Variants in PTPRD observed in about 807,000 individuals in gnomAD.
PTPRD encodes the protein protein tyrosine phosphatase receptor type D, also known as receptor-type tyrosine-protein phosphatase delta.
Under a neutral mutation model 214.5 loss-of-function variants are expected in PTPRD, and 34 were observed. The observed-to-expected ratio is 0.16, with a 90% CI of 0.12 to 0.21. The LOEUF (loss-of-function observed/expected upper bound fraction) is 0.21. Ranked by LOEUF, PTPRD falls within the 10% of genes least tolerant of loss-of-function variation. The pLI, the probability that PTPRD is intolerant of heterozygous loss-of-function variation, is 1.00. For synonymous variants in PTPRD, 1,128 were observed against 845.7 expected (o/e 1.33, Z -5.79); for missense variants, 2,545 against 2,398.7 (o/e 1.06, Z -1.27).
chr9:10,567,623 A>G (rs1447900449), intron 2 of PTPRD, among the ~76,000 whole-genome samples: 2 of 152,092 alleles, frequency 1.3e-5, no homozygotes, highest in African/African-American at 4.8e-5. Flanking sequence ...TGATAGTCAA[A>G]TGGAATAAAC....
chr9:10,135,514 A>C (rs138505323), intron 3 of PTPRD, among the ~76,000 whole-genome samples: 3 of 152,254 alleles, frequency 2.0e-5, no homozygotes, highest in Non-Finnish European at 4.4e-5. Flanking sequence ...AAACTCCTTC[A>C]GGCTAACAGT....
chr9:8,516,833 T>G (rs1180849555), intron 21 of PTPRD, among the ~76,000 whole-genome samples: 1 of 132,192 alleles, frequency 7.6e-6, no homozygotes, highest in African/African-American at 2.9e-5. Flanking sequence ...TGAGATGGAG[T>G]CTTGCTGTCA....
At position 10,217,910 on chromosome 9, in the gene PTPRD, C is replaced by T. The variant is rs146653496; in HGVS notation, c.-545+123053G>A. On this transcript the variant is annotated intron_variant, in intron 3 of 45. Coordinates refer to ENST00000381196, the MANE Select transcript of PTPRD (RefSeq NM_002839.4). ...CCTTAGAATGTTATTTAGCAGGCAA[C>T]GGGTTTGAAAACCTGACTCTTCCCA... Among the ~76,000 whole-genome samples, 278 of 151,906 alleles carry T rather than the reference C, an allele frequency of 1.8e-3. 1 individual carries two copies. Among genetic ancestry groups the T allele is most frequent in the African/African-American group, 6.4e-3 (264 of 41,462 alleles).
At chr9:9,188,267 C>G (rs191947879) in intron 9 of PTPRD, among the ~76,000 whole-genome samples, 1 of 152,152 alleles carries the variant, frequency 6.6e-6, no homozygotes, top group Non-Finnish European at 1.5e-5. Context: ...ATTTTTGTAA[C>G]TATTCTATTG....
chr9:8,608,132 T>TA (rs5896250), intron 14 of PTPRD, among the ~76,000 whole-genome samples: 29,383 of 151,622 alleles, frequency 0.19, 3,024 homozygotes, highest in South Asian at 0.31. Flanking sequence ...TTTTTTTTTT[T>TA]AATCTAGACT....
intron 8 of PTPRD, among the ~76,000 whole-genome samples, chr9:9,465,893 C>T (rs922299252): frequency 1.3e-5 from 2 of 151,768 alleles, no homozygotes; most frequent in African/African-American, 2.4e-5. Context: ...TCCTAATACA[C>T]CCAATCGGCC....
chr9:8,862,296 A>T (rs2098121102), intron 11 of PTPRD: 1 of 152,270 alleles, frequency 6.6e-6, no homozygotes, highest in Non-Finnish European at 1.5e-5. Context: ...GTGGAGGTTG[A>T]AGTGAGCCGA....
chr9:9,887,437 C>T (rs1299665856), intron 5 of PTPRD, among the ~76,000 whole-genome samples: 1 of 152,068 alleles, frequency 6.6e-6, no homozygotes, highest in African/African-American at 2.4e-5. Context: ...TAAGAGGCTG[C>T]AATACATATA....
At chr9:8,789,598 C>T (rs762372392) in intron 11 of PTPRD, among the ~76,000 whole-genome samples, 8 of 152,038 alleles carry the variant, frequency 5.3e-5, no homozygotes, top group Admixed American at 2.6e-4. Context: ...AATGTAAATG[C>T]CACTGGGCAT....
At chr9:9,196,561 G>A (rs572141238) in intron 9 of PTPRD, among the ~76,000 whole-genome samples, 58 of 152,144 alleles carry the variant, frequency 3.8e-4, no homozygotes, top group African/African-American at 1.3e-3. Context: ...TACTTTATAC[G>A]GTTATGCCAT....
chr9:8,828,406 G>C (rs2097216153), intron 11 of PTPRD, among the ~76,000 whole-genome samples: 1 of 152,172 alleles, frequency 6.6e-6, no homozygotes, highest in Non-Finnish European at 1.5e-5. Flanking sequence ...TGAGGACAAA[G>C]CAAGAAGGCA....
At position 10,060,856 on chromosome 9, in the gene PTPRD, T is replaced by C. The variant is rs1224396858; in HGVS notation, c.-544-27066A>G. Among the ~76,000 whole-genome samples the C allele has an allele frequency of 1.2e-3, 137 of 116,008 alleles. 6 individuals carry two copies. The highest frequency in any genetic ancestry group is 6.2e-3 in the African/African-American group (95 of 15,340). The allele number at this position is 116,008 out of a possible 152,430, so 76.1% of individuals were successfully genotyped here. Reference sequence around the variant, plus strand: ...CCTTCCTTCCTTCCTTTCCTTTCTTTCTTCCTTCCTTCTTTCCTTCCTTCC... The same window carrying C: ...CCTTCCTTCCTTCCTTTCCTTTCTTCCTTCCTTCCTTCTTTCCTTCCTTCC... On this transcript the variant is annotated intron_variant, in intron 3 of 45. Coordinates refer to ENST00000381196, the MANE Select transcript of PTPRD (RefSeq NM_002839.4).
chr9:8,413,545 C>T (rs1166738471), intron 35 of PTPRD, among the ~76,000 whole-genome samples: 1 of 152,146 alleles, frequency 6.6e-6, no homozygotes, highest in Non-Finnish European at 1.5e-5. Flanking sequence ...TGACTATCCA[C>T]ATGTGCCTTT....
intron 3 of PTPRD, among the ~76,000 whole-genome samples, chr9:10,208,313 C>G (rs294801): frequency 0.81 from 121,633 of 150,818 alleles, 49,779 homozygotes; most frequent in East Asian, 0.93. Flanking sequence ...AGGAGATCGA[C>G]GCCATCCTGG....
chr9:9,341,356 T>G (rs2046726472), intron 9 of PTPRD, among the ~76,000 whole-genome samples: 1 of 152,088 alleles, frequency 6.6e-6, no homozygotes, highest in Non-Finnish European at 1.5e-5. Context: ...CATTCAGTTG[T>G]TGCTCCAACG....
intron 3 of PTPRD, among the ~76,000 whole-genome samples, chr9:10,297,359 T>A (rs924633800): frequency 6.6e-6 from 1 of 151,954 alleles, no homozygotes; most frequent in African/African-American, 2.4e-5. Context: ...ATTTTGTATA[T>A]CCCTTTGCAC....
chr9:9,445,325 T>C (rs1200301425), intron 8 of PTPRD, among the ~76,000 whole-genome samples: 2 of 152,212 alleles, frequency 1.3e-5, no homozygotes, highest in Non-Finnish European at 2.9e-5. Flanking sequence ...TGCATGCCAT[T>C]GATGGATCTG....
Position 10,169,473 on chromosome 9 carries a change from C to CAAAAAAAAAAAAAAAA in PTPRD, c.-544-135699_-544-135684dup, listed in dbSNP as rs59335943. On this transcript the variant is annotated intron_variant, in intron 3 of 45. Transcript: ENST00000381196. ...TGGGCGAAAGAGCGAGACTCTGTCT[C>CAAAAAAAAAAAAAAAA]AAAAAAAAAAAAAAAAAAAAGCAAT... Among the ~76,000 whole-genome samples the CAAAAAAAAAAAAAAAA allele has an allele frequency of 4.5e-5, 3 of 66,846 alleles. 1 individual carries two copies. Among genetic ancestry groups the CAAAAAAAAAAAAAAAA allele is most frequent in the African/African-American group, 2.1e-4 (3 of 14,000 alleles). The allele number at this position is 66,846 out of a possible 152,430, so 43.9% of individuals were successfully genotyped here. A position where few individuals can be genotyped will look rare whatever the true frequency, so the allele number is the denominator to read the frequency against.
intron 27 of PTPRD, chr9:8,486,602 G>T: frequency 1.6e-6 from 1 of 634,902 alleles, no homozygotes; most frequent in Non-Finnish European, 2.9e-6. Context: ...AACAGCTTAA[G>T]GGGATTTTTT....
Sources: gnomAD v4.1 joint callset for allele counts (sites outside exome capture counted in the v4.1 genomes callset) on GRCh38, gnomAD v4.1.1 for gene constraint, MANE v1.5 for transcripts, NCBI Gene and HGNC (gene_info 2026-07-23, HGNC 2026-07-21) for gene names.